The following SNX21 variants were observed in gnomAD, a reference collection of about 807,000 sequenced individuals.
SNX21 encodes the protein sorting nexin-21.
A neutral mutation model predicts 30.9 loss-of-function variants in SNX21; 36 were observed. The ratio of observed to expected loss-of-function variants is 1.16; its 90% CI spans 0.89 to 1.54. The LOEUF (loss-of-function observed/expected upper bound fraction) is 1.54. SNX21 is among the 40% of genes most tolerant of loss of function. The pLI is 0.00. For synonymous variants in SNX21, 218 were observed against 222.7 expected (o/e 0.98, Z 0.19); for missense variants, 508 against 516.5 (o/e 0.98, Z 0.16).
chr20:45,835,818 T>TA (rs1279859892), intron 3 of SNX21, among the ~76,000 whole-genome samples: 2 of 152,198 alleles, frequency 1.3e-5, no homozygotes, highest in African/African-American at 2.4e-5. Flanking sequence ...GGGCTAGACT[T>TA]AGAGGGTTGG....
At chr20:45,837,417 C>T (rs1165922648) in intron 3 of SNX21, among the ~76,000 whole-genome samples, 1 of 152,158 alleles carries the variant, frequency 6.6e-6, no homozygotes, top group African/African-American at 2.4e-5. Flanking sequence ...TAGTGATATA[C>T]ACTGTGAATC....
At chr20:45,834,085 T>TG in intron 1 of SNX21, 116 bp from the exon 2 acceptor site, 1 of 1,387,060 alleles carries the variant, frequency 7.2e-7, no homozygotes, top group Non-Finnish European at 9.4e-7. Flanking sequence ...TGCCAGGGGG[T>TG]GGGGCCTCAC....
At chr20:45,834,129 C>T in intron 1 of SNX21, 72 bp from the exon 2 acceptor site, 1 of 1,418,544 alleles carries the variant, frequency 7.0e-7, no homozygotes, top group Non-Finnish European at 9.2e-7. Flanking sequence ...GGCCCCGCCC[C>T]TCCTCCTCCT....
intron 3 of SNX21, among the ~76,000 whole-genome samples, chr20:45,839,750 A>AAAT (rs747452785): frequency 6.7e-6 from 1 of 149,322 alleles, no homozygotes; most frequent in African/African-American, 2.5e-5. Context: ...AAAAAAAAAA[A>AAAT]TTTTTTTAAA....
Position 45,840,678 on chromosome 20 carries a change from T to G in SNX21, c.487T>G (p.Cys163Gly), listed in dbSNP as rs1278230026. ...CGTGATCGGCCCAGGACCGCCAGAT[T>G]GCCAGCCAGCCCAGATCTCTCGCCG... ...LAVIGPGPPDCQPAQISRRYS... is the reference protein window; with the variant it reads ...LAVIGPGPPDGQPAQISRRYS... Residue 163 changes from cysteine to glycine, a missense_variant, in exon 4 of 4, where the codon TGC becomes GGC. Cys to Gly is a radical substitution (Grantham distance 159, BLOSUM62 -3). Transcript: ENST00000491381. 1.9e-6 allele frequency: 3 copies of G among 1,614,144 alleles called. No individual in the cohort carries two copies. Among genetic ancestry groups the G allele is most frequent in the Non-Finnish European group, 1.7e-6 (2 of 1,180,020 alleles).
At position 45,841,958 on chromosome 20, in the gene SNX21, T is replaced by TCACCC; in HGVS notation, c.*645_*646insCACCC. On this transcript the variant is annotated 3_prime_UTR_variant, in exon 4 of 4. Transcript: ENST00000491381. The stretch of plus-strand genomic sequence containing the variant: ...CATGGACCAGCCCCCGAGAGCCACC[T>TCACCC]GTGGGTGAGGTGAAGGGTGATGATG... 1 of 1,612,664 alleles carries TCACCC rather than the reference T, an allele frequency of 6.2e-7. No individual in the cohort carries two copies. Among genetic ancestry groups the TCACCC allele is most frequent in the Non-Finnish European group, 8.5e-7 (1 of 1,179,856 alleles).
intron 3 of SNX21, among the ~76,000 whole-genome samples, chr20:45,837,600 T>C (rs6094216): frequency 0.028 from 4,190 of 152,252 alleles, 173 homozygotes; most frequent in African/African-American, 0.096. Flanking sequence ...GGTTAATCCA[T>C]ATTCAGGTTC....
At chr20:45,839,321 CTGGCTAACACAG>C (rs1342787597) in intron 3 of SNX21, among the ~76,000 whole-genome samples, 1 of 152,066 alleles carries the variant, frequency 6.6e-6, no homozygotes, top group Non-Finnish European at 1.5e-5. Context: ...CGAGACCATC[CTGGCTAACACAG>C]TGAAACCCCG....
At chr20:45,834,159 C>T in intron 1 of SNX21, 42 bp from the exon 2 acceptor site, 1 of 1,449,174 alleles carries the variant, frequency 6.9e-7, no homozygotes, top group East Asian at 2.5e-5. Flanking sequence ...TGGGGTACCC[C>T]TCCTCCGGGA....
chr20:45,843,085 A>C lies in SNX21; in HGVS notation c.*1772A>C. On this transcript the variant is annotated 3_prime_UTR_variant, in exon 4 of 4. Transcript: ENST00000491381. ...AAATACAGTTTCCTGGACCTTATCC[A>C]AGACCTACTGAGTGAGAATCTTGAG... The C allele has an allele frequency of 8.8e-7, 1 of 1,137,858 alleles. No individual in the cohort carries two copies. Among genetic ancestry groups the C allele is most frequent in the Non-Finnish European group, 1.1e-6 (1 of 899,754 alleles). 70.5% of individuals were successfully genotyped at this position (1,137,858 alleles called of 1,614,324 possible).
At chr20:45,833,979 G>C in intron 1 of SNX21, 39 bp downstream of exon 1, 1 of 1,437,512 alleles carries the variant, frequency 7.0e-7, no homozygotes, top group Non-Finnish European at 9.1e-7. Flanking sequence ...CATCGGGAGG[G>C]TCCTGAGCCC....
At chr20:45,838,626 C>T (rs911990027) in intron 3 of SNX21, among the ~76,000 whole-genome samples, 2 of 151,798 alleles carry the variant, frequency 1.3e-5, no homozygotes, top group Non-Finnish European at 2.9e-5. Context: ...TGGTGGTAGG[C>T]GCCTGTAATC....
intron 3 of SNX21, among the ~76,000 whole-genome samples, chr20:45,839,752 T>A (rs1034272617): frequency 4.3e-4 from 64 of 150,554 alleles, no homozygotes; most frequent in African/African-American, 1.5e-3. Flanking sequence ...AAAAAAAAAT[T>A]TTTTTAAATA....
Position 45,843,200 on chromosome 20 carries a change from C to A in SNX21, c.*1887C>A, listed in dbSNP as rs145727419. The stretch of plus-strand genomic sequence containing the variant: ...GATACCACTGCTGTAATGTAACCCT[C>A]TTTGTTTAGATGAGGAAACTGAGGT... On this transcript the variant is annotated 3_prime_UTR_variant, in exon 4 of 4. Coordinates refer to ENST00000491381, the MANE Select transcript of SNX21 (RefSeq NM_033421.4). The A allele has an allele frequency of 4.8e-3, 2,382 of 497,816 alleles. 12 individuals are homozygous for A. The highest frequency in any genetic ancestry group is 7.0e-3 in the Non-Finnish European group (1,995 of 286,716). The allele number at this position is 497,816 out of a possible 1,614,324, so 30.8% of individuals were successfully genotyped here. A position where few individuals can be genotyped will look rare whatever the true frequency, so the allele number is the denominator to read the frequency against.
At chr20:45,840,609 C>G (rs776729109) in intron 3 of SNX21, 30 bp from the exon 4 acceptor site, 5 of 1,614,138 alleles carry the variant, frequency 3.1e-6, no homozygotes, top group Non-Finnish European at 4.2e-6. Flanking sequence ...GGACAACTTG[C>G]ATTTGCCCTG....
At chr20:45,837,731 T>C (rs936104489) in intron 3 of SNX21, among the ~76,000 whole-genome samples, 1 of 152,208 alleles carries the variant, frequency 6.6e-6, no homozygotes, top group African/African-American at 2.4e-5. Flanking sequence ...CCTTTTCTTC[T>C]TAACATTTTT....
At chr20:45,840,046 C>A in intron 3 of SNX21, 1 of 651,788 alleles carries the variant, frequency 1.5e-6, no homozygotes, top group Non-Finnish European at 1.9e-6. Context: ...GCACTTCCTT[C>A]ACTAGAAACA....
chr20:45,837,519 T>C (rs1983643780), intron 3 of SNX21, among the ~76,000 whole-genome samples: 1 of 152,188 alleles, frequency 6.6e-6, no homozygotes, highest in South Asian at 2.1e-4. Context: ...AGATCTGGAT[T>C]TGGTGTTAGG....
In SNX21 at chr20:45,835,128, T is replaced by A. The variant is rs762662672; in HGVS notation, c.447+12T>A. The A allele has an allele frequency of 6.2e-7, 1 of 1,606,700 alleles. No homozygotes were observed. Among genetic ancestry groups the A allele is most frequent in the South Asian group, 1.1e-5 (1 of 90,550 alleles). On this transcript the variant is annotated intron_variant, in intron 3 of 3. Transcript: ENST00000491381. Reference sequence around the variant, plus strand: ...CCTCCAAGTACGTGGTGAGTGAGGGTCTAGAACCCCTGGGCTGTGAGTCCA... The same window carrying A: ...CCTCCAAGTACGTGGTGAGTGAGGGACTAGAACCCCTGGGCTGTGAGTCCA...
Sources: gnomAD v4.1 joint callset for allele counts (sites outside exome capture counted in the v4.1 genomes callset) on GRCh38, gnomAD v4.1.1 for gene constraint, MANE v1.5 for transcripts, NCBI Gene and HGNC (gene_info 2026-07-23, HGNC 2026-07-21) for gene names.